Variants in PRKN observed in about 807,000 individuals in gnomAD.
PRKN encodes the protein E3 ubiquitin-protein ligase parkin.
PRKN carries 56 observed loss-of-function variants against 59.5 expected under a neutral mutation model. The observed-to-expected ratio is 0.94, with a 90% confidence interval of 0.76 to 1.18. The LOEUF is 1.18. PRKN is among the 50% of genes most tolerant of loss of function. PRKN has a pLI of 0.00. For synonymous variants in PRKN, 250 were observed against 222.1 expected, an observed-to-expected ratio of 1.13 and a Z score of -1.12; for missense variants, 657 against 596.4, an observed-to-expected ratio of 1.10 and a Z score of -1.06.
chr6:162,472,992 C>T (rs1486817804), intron 1 of PRKN, among the ~76,000 whole-genome samples: 1 of 134,628 alleles, frequency 7.4e-6, no homozygotes, highest in Non-Finnish European at 1.5e-5. Context: ...AAAATATTCT[C>T]ATACTTATTT....
intron 1 of PRKN, among the ~76,000 whole-genome samples, chr6:162,521,151 T>C (rs1778067063): frequency 6.6e-6 from 1 of 152,214 alleles, no homozygotes; most frequent in African/African-American, 2.4e-5. Context: ...TCAATCAGAA[T>C]TGTCACTATC....
chr6:162,073,903 G>C (rs1347241576), intron 4 of PRKN, among the ~76,000 whole-genome samples: 1 of 152,156 alleles, frequency 6.6e-6, no homozygotes, highest in African/African-American at 2.4e-5. Flanking sequence ...AAGTCACATG[G>C]AGAAATGCAA....
At chr6:161,539,768 G>A (rs567301827) in intron 9 of PRKN, among the ~76,000 whole-genome samples, 3 of 152,184 alleles carry the variant, frequency 2.0e-5, no homozygotes, top group Admixed American at 1.3e-4. Flanking sequence ...CACTGTTCCC[G>A]GGGTGTCTTT....
chr6:161,966,061 C>T (rs1382830610), intron 6 of PRKN, among the ~76,000 whole-genome samples: 2 of 151,962 alleles, frequency 1.3e-5, no homozygotes, highest in Non-Finnish European at 2.9e-5. Flanking sequence ...CCACAAAGGA[C>T]AGCTTTGTAG....
chr6:161,752,374 C>G (rs896389980), intron 7 of PRKN, among the ~76,000 whole-genome samples: 1 of 106,886 alleles, frequency 9.4e-6, no homozygotes, highest in Non-Finnish European at 2.4e-5. Flanking sequence ...CTCAAACAAA[C>G]AAAAAAACAA....
rs1583229036 is a variant in PRKN at position 161,560,336 on chromosome 6, G to A, written c.933+9019C>T. On this transcript the variant is annotated intron_variant, in intron 8 of 11. Transcript: ENST00000366898. This position sits in a 1 kb window ranked among gnomAD's most constrained non-coding sequence, Gnocchi z 4.9. ...CATATTCACATCTTTCAAGGCCAGA[G>A]GTGAAGATGGTTGTCCCTTGGCTCC... is the stretch of plus-strand genomic sequence containing the variant. Among the ~76,000 whole-genome samples, 2 of 152,120 alleles carry A rather than the reference G, an allele frequency of 1.3e-5. No individual in the cohort carries two copies. Among genetic ancestry groups the A allele is most frequent in the Non-Finnish European group, 2.9e-5 (2 of 68,034 alleles).
intron 2 of PRKN, among the ~76,000 whole-genome samples, chr6:162,338,521 C>T (rs1367946465): frequency 1.3e-5 from 2 of 152,156 alleles, no homozygotes; most frequent in East Asian, 1.9e-4. Context: ...CCCGAGGTGC[C>T]GGGATTGCAG....
At chr6:162,186,454 TG>T in intron 4 of PRKN, among the ~76,000 whole-genome samples, 3 of 1,766 alleles carry the variant, frequency 1.7e-3, no homozygotes, top group African/African-American at 8.2e-3. Context: ...AGATAATGTT[TG>T]AAGGTGAGAT....
chr6:161,492,546 G>A (rs1265207662), intron 9 of PRKN, among the ~76,000 whole-genome samples: 2 of 152,204 alleles, frequency 1.3e-5, no homozygotes, highest in Admixed American at 6.5e-5. Context: ...CTAATCATAA[G>A]ATAGTTGAAA....
At chr6:162,407,444 ATGT>A (rs1788126817) in intron 2 of PRKN, among the ~76,000 whole-genome samples, 1 of 152,196 alleles carries the variant, frequency 6.6e-6, no homozygotes, top group Non-Finnish European at 1.5e-5. Flanking sequence ...GTGTGCTGAT[ATGT>A]TATCATTGCA....
chr6:161,779,294 C>T (rs73601027), intron 7 of PRKN, among the ~76,000 whole-genome samples: 3,871 of 152,188 alleles, frequency 0.025, 161 homozygotes, highest in African/African-American at 0.088. Context: ...AGCTCCACCA[C>T]AGAAGAAAGC....
At chr6:161,840,009 C>T (rs895749988) in intron 6 of PRKN, among the ~76,000 whole-genome samples, 8 of 152,228 alleles carry the variant, frequency 5.3e-5, no homozygotes, top group African/African-American at 1.4e-4. Context: ...ATCTCAGGCT[C>T]GCCCCTCCTC....
At chr6:161,368,218 A>G (rs1216433074) in intron 10 of PRKN, among the ~76,000 whole-genome samples, 1 of 150,464 alleles carries the variant, frequency 6.6e-6, no homozygotes. Context: ...GTTCAAGACC[A>G]GCCTGCGAAA....
At chr6:162,637,305 TA>T (rs1777763169) in intron 1 of PRKN, among the ~76,000 whole-genome samples, 1 of 111,972 alleles carries the variant, frequency 8.9e-6, no homozygotes, top group Admixed American at 1.4e-4. Context: ...AGCAGCAAAA[TA>T]AAGTTAGAGA....
At chr6:162,422,797 T>C (rs575880530) in intron 2 of PRKN, among the ~76,000 whole-genome samples, 2 of 151,772 alleles carry the variant, frequency 1.3e-5, no homozygotes, top group South Asian at 4.2e-4. Context: ...TACAAAAAAA[T>C]TAGCTGGACA....
intron 5 of PRKN, among the ~76,000 whole-genome samples, chr6:162,008,053 C>T (rs779296245): frequency 6.6e-6 from 1 of 152,118 alleles, no homozygotes; most frequent in Non-Finnish European, 1.5e-5. Context: ...ACTGAAAAAA[C>T]TGCAAAGGGA....
At chr6:161,382,010 G>C (rs537259007) in intron 10 of PRKN, among the ~76,000 whole-genome samples, 1 of 151,208 alleles carries the variant, frequency 6.6e-6, no homozygotes, top group Non-Finnish European at 1.5e-5. Flanking sequence ...TACTTGGAAG[G>C]CTGGGGCAGG....
intron 3 of PRKN, among the ~76,000 whole-genome samples, chr6:162,258,435 G>A (rs1437830294): frequency 2.0e-5 from 3 of 152,176 alleles, no homozygotes; most frequent in African/African-American, 7.2e-5. Flanking sequence ...ATGATGAATG[G>A]CGCCTCATTT....
rs141962039 is a variant in PRKN, at chr6:161,733,067, C to T, written c.871+52705G>A. 4.6e-5 allele frequency among the ~76,000 whole-genome samples: 7 copies of T among 152,230 alleles called. 1 individual carries two copies. Among genetic ancestry groups the T allele is most frequent in the African/African-American group, 1.7e-4 (7 of 41,542 alleles). Reference sequence around the variant, plus strand: ...AACAAAAAGAAAAACGGATTTTTATCAAATTGGTAATGAAACACTTATTTC... The same window carrying T: ...AACAAAAAGAAAAACGGATTTTTATTAAATTGGTAATGAAACACTTATTTC... On this transcript the variant is annotated intron_variant, in intron 7 of 11. Coordinates refer to ENST00000366898, the MANE Select transcript of PRKN (RefSeq NM_004562.3).
Sources: allele counts gnomAD v4.1 joint callset (sites outside exome capture counted in the v4.1 genomes callset), GRCh38; gene constraint gnomAD v4.1.1; non-coding constraint Gnocchi (gnomAD v3.1); transcripts MANE v1.5; gene names NCBI Gene and HGNC (gene_info 2026-07-23, HGNC 2026-07-21).